Variants in ASS1 observed in about 807,000 individuals in gnomAD.
The protein encoded by ASS1 is argininosuccinate synthase.
A neutral mutation model predicts 60.5 loss-of-function variants in ASS1; 58 were observed. The ratio of observed to expected loss-of-function variants is 0.96; its 90% CI spans 0.78 to 1.19. The LOEUF (loss-of-function observed/expected upper bound fraction) is 1.19, where lower values mean the gene tolerates loss of function less well. Ranked by LOEUF, ASS1 falls within the 50% of genes most tolerant of loss-of-function variation. The probability of loss-of-function intolerance (pLI) is 0.00; values close to 1 mark genes in which losing one functional copy is unlikely to be tolerated. For missense variants in ASS1, 454 were observed against 547.3 expected (o/e 0.83, Z 1.70); for synonymous variants, 200 against 206.9 (o/e 0.97, Z 0.29).
At chr9:130,500,698 G>T (rs2118897246) in intron 14 of ASS1, among the ~76,000 whole-genome samples, 1 of 152,210 alleles carries the variant, frequency 6.6e-6, no homozygotes, top group South Asian at 2.1e-4. Flanking sequence ...AACAAACAGG[G>T]CTTACATAGT....
At chr9:130,479,934 C>T in intron 10 of ASS1, 134 bp downstream of exon 10, 2 of 1,073,764 alleles carry the variant, frequency 1.9e-6, no homozygotes, top group Non-Finnish European at 2.9e-6. Flanking sequence ...TCCCCATAGC[C>T]ACAGAGTTTC....
intron 2 of ASS1, among the ~76,000 whole-genome samples, chr9:130,453,285 C>T (rs910666574): frequency 6.6e-6 from 1 of 152,280 alleles, no homozygotes; most frequent in East Asian, 1.9e-4. Context: ...CTCTCCATCC[C>T]TGTGGAATGG....
chr9:130,459,599 A>C lies in ASS1; in HGVS notation c.363+1010A>C, dbSNP rs1284155265. ...GGTGTGTACCCCACCACACCCGGCTAATTTTTTGTATTTTTAGTAGAGACG... is the reference window on the plus strand; with the variant it reads ...GGTGTGTACCCCACCACACCCGGCTCATTTTTTGTATTTTTAGTAGAGACG... On this transcript the variant is annotated intron_variant, in intron 4 of 14. Coordinates refer to ENST00000352480, the MANE Select transcript of ASS1 (RefSeq NM_054012.4). The surrounding 1 kb of genome is among the most constrained non-coding windows in gnomAD (Gnocchi z 4.6). Among the ~76,000 whole-genome samples the C allele has an allele frequency of 6.6e-6, 1 of 151,878 alleles. No individual in the cohort carries two copies. Among genetic ancestry groups the C allele is most frequent in the African/African-American group, 2.4e-5 (1 of 41,338 alleles).
rs12375712 is a variant in ASS1 at position 130,498,113 on chromosome 9, G to A, written c.1128-1392G>A. Reference sequence around the variant, plus strand: ...CAAGGCCTGGTGAAGGTCAGGGCCCGGGTCCTGAACAAATCACTGGGGCCA... The same window carrying A: ...CAAGGCCTGGTGAAGGTCAGGGCCCAGGTCCTGAACAAATCACTGGGGCCA... On this transcript the variant is annotated intron_variant, in intron 13 of 14. Coordinates refer to ENST00000352480, the MANE Select transcript of ASS1 (RefSeq NM_054012.4). Among the ~76,000 whole-genome samples the A allele has an allele frequency of 3.8e-3, 578 of 152,252 alleles. 1 individual carries two copies. The highest frequency in any genetic ancestry group is 5.8e-3 in the Non-Finnish European group (393 of 68,008).
chr9:130,453,255 T>A (rs754628132), intron 2 of ASS1, among the ~76,000 whole-genome samples: 11 of 152,236 alleles, frequency 7.2e-5, no homozygotes, highest in Non-Finnish European at 1.3e-4. Context: ...GCCTACTCCT[T>A]CAGTGGGCGG....
intron 11 of ASS1, among the ~76,000 whole-genome samples, chr9:130,481,294 G>A (rs532922947): frequency 4.6e-5 from 7 of 152,284 alleles, no homozygotes; most frequent in African/African-American, 1.7e-4. Context: ...GGGGTCCTAA[G>A]AGGGAAAGAG....
intron 3 of ASS1, among the ~76,000 whole-genome samples, chr9:130,455,960 A>C (rs1234253307): frequency 2.0e-5 from 3 of 152,224 alleles, no homozygotes; most frequent in Non-Finnish European, 2.9e-5. Context: ...GCTGGAGAGC[A>C]GAGGGGTTGT....
chr9:130,454,460 T>G (rs1845392343), intron 3 of ASS1, 87 bp downstream of exon 3: 16 of 1,307,748 alleles, frequency 1.2e-5, no homozygotes, highest in Non-Finnish European at 1.5e-5. Context: ...AGGGATCCCA[T>G]CCCTTCCAGT....
chr9:130,491,733 C>T lies in ASS1; in HGVS notation c.970+2269C>T, dbSNP rs767682727. On this transcript the variant is annotated intron_variant, in intron 12 of 14. Transcript: ENST00000352480. The surrounding 1 kb of genome is among the most constrained non-coding windows in gnomAD (Gnocchi z 5.3). The stretch of plus-strand genomic sequence containing the variant: ...CAGCCAGCGACAAGCCCTCTACATC[C>T]CAAACTGAGGTACAATGATTAGGAG... Among the ~76,000 whole-genome samples the T allele has an allele frequency of 6.6e-6, 1 of 152,186 alleles. No homozygotes were observed. The highest frequency in any genetic ancestry group is 1.5e-5 in the Non-Finnish European group (1 of 68,022).
At chr9:130,479,840 C>T (rs747227070) in intron 10 of ASS1, 40 bp downstream of exon 10, 52 of 1,584,794 alleles carry the variant, frequency 3.3e-5, no homozygotes, top group Middle Eastern at 3.3e-4. Flanking sequence ...TGGGAACCGC[C>T]GTCTCGGGCG....
chr9:130,496,218 C>T (rs549149426), intron 13 of ASS1, among the ~76,000 whole-genome samples: 5 of 151,576 alleles, frequency 3.3e-5, no homozygotes, highest in Admixed American at 3.3e-4. Flanking sequence ...GCCAGGAGTT[C>T]AAGACCAGCC....
In ASS1 at chr9:130,477,889, C is replaced by T. The variant is rs1482355785; in HGVS notation, c.688+928C>T. Among the ~76,000 whole-genome samples, 4 of 152,124 alleles carry T rather than the reference C, an allele frequency of 2.6e-5. 1 individual carries two copies. Among genetic ancestry groups the T allele is most frequent in the Admixed American group, 6.5e-5 (1 of 15,284 alleles). ...GTGGAGAGGCCTGGCCCGGCTCTGG[C>T]GCTCGGCTCTTACCCCGGCTACCAC... On this transcript the variant is annotated intron_variant, in intron 9 of 14. Coordinates refer to ENST00000352480, the MANE Select transcript of ASS1 (RefSeq NM_054012.4). The surrounding 1 kb of genome is among the most constrained non-coding windows in gnomAD (Gnocchi z 4.2).
At chr9:130,446,552 C>CGCCTGGCCGGT (rs1208106499) in intron 1 of ASS1, among the ~76,000 whole-genome samples, 1 of 152,204 alleles carries the variant, frequency 6.6e-6, no homozygotes, top group Non-Finnish European at 1.5e-5. Flanking sequence ...GCCTGCTGAG[C>CGCCTGGCCGGT]GCCTGGCCGG....
At chr9:130,462,822 G>T (rs961889931) in intron 4 of ASS1, among the ~76,000 whole-genome samples, 1 of 152,202 alleles carries the variant, frequency 6.6e-6, no homozygotes, top group African/African-American at 2.4e-5. Context: ...AAAGGATTCA[G>T]TGAGTTAATT....
intron 11 of ASS1, among the ~76,000 whole-genome samples, chr9:130,484,198 ACTT>A (rs1417816108): frequency 3.3e-5 from 5 of 151,628 alleles, no homozygotes; most frequent in Non-Finnish European, 7.4e-5. Flanking sequence ...CTTCCAAATC[ACTT>A]CTTCTACTTT....
At position 130,491,833 on chromosome 9, in the gene ASS1, T is replaced by C. The variant is rs1846457944; in HGVS notation, c.970+2369T>C. Among the ~76,000 whole-genome samples the C allele has an allele frequency of 6.6e-6, 1 of 152,114 alleles. No homozygotes were observed. ...TTCTTCTGGGTAGTTATCACTAATA[T>C]TAACTTTGCCCTGGTCCGCTGACAT... On this transcript the variant is annotated intron_variant, in intron 12 of 14. Transcript: ENST00000352480. This position sits in a 1 kb window ranked among gnomAD's most constrained non-coding sequence, Gnocchi z 5.3.
rs1009195123 is a variant in ASS1, at chr9:130,476,736, C to G, written c.598-135C>G. On this transcript the variant is annotated intron_variant, in intron 8 of 14. Coordinates refer to ENST00000352480, the MANE Select transcript of ASS1 (RefSeq NM_054012.4). This position sits in a 1 kb window ranked among gnomAD's most constrained non-coding sequence, Gnocchi z 4.9. ...TGGTGCTAGGCTGAGGGCTGGGGAC[C>G]GGGGGATCTGCCGGACCCCACCAGC... The G allele has an allele frequency of 1.1e-5, 9 of 854,016 alleles. No homozygotes were observed. The East Asian group carries it at 2.2e-4, about 21-fold the overall frequency. The allele number at this position is 854,016 out of a possible 1,614,324, so 52.9% of individuals were successfully genotyped here. A position where few individuals can be genotyped will look rare whatever the true frequency, so the allele number is the denominator to read the frequency against.
chr9:130,494,147 A>C lies in ASS1; in HGVS notation c.971-720A>C, dbSNP rs1427687671. 6.6e-6 allele frequency among the ~76,000 whole-genome samples: 1 copy of C among 152,192 alleles called. No homozygotes were observed. The highest frequency in any genetic ancestry group is 1.5e-5 in the Non-Finnish European group (1 of 68,032). ...ATGAGGATTCAGGGAGCTAGCCCAGATCAAAGCCTGAGCGCAGTGCTGCTT... is the reference window on the plus strand; with the variant it reads ...ATGAGGATTCAGGGAGCTAGCCCAGCTCAAAGCCTGAGCGCAGTGCTGCTT... On this transcript the variant is annotated intron_variant, in intron 12 of 14. Transcript: ENST00000352480. This position sits in a 1 kb window ranked among gnomAD's most constrained non-coding sequence, Gnocchi z 4.3.
intron 8 of ASS1, among the ~76,000 whole-genome samples, chr9:130,474,008 G>GC (rs1337508298): frequency 7.0e-5 from 3 of 43,124 alleles, no homozygotes; most frequent in African/African-American, 2.9e-4. Context: ...TCTCCCCCTA[G>GC]CCCCCACCCC....
Sources: allele counts gnomAD v4.1 joint callset (sites outside exome capture counted in the v4.1 genomes callset), GRCh38; gene constraint gnomAD v4.1.1; non-coding constraint Gnocchi (gnomAD v3.1); transcripts MANE v1.5; gene names NCBI Gene and HGNC (gene_info 2026-07-23, HGNC 2026-07-21).